The following CNN1 variants were observed in gnomAD, a reference collection of about 807,000 sequenced individuals.
The protein encoded by CNN1 is calponin-1.
Under a neutral mutation model 35.3 loss-of-function variants are expected in CNN1, and 21 were observed. The observed-to-expected ratio is 0.60, with a 90% CI of 0.42 to 0.86. CNN1 has a LOEUF of 0.86. CNN1 is among the 40% of genes least tolerant of loss of function. The probability of loss-of-function intolerance (pLI) is 0.00; values close to 1 mark genes in which losing one functional copy is unlikely to be tolerated. For missense variants in CNN1, 314 were observed against 400.8 expected (o/e 0.78, Z 1.85); for synonymous variants, 164 against 161.8 (o/e 1.01, Z -0.10).
intron 4 of CNN1, among the ~76,000 whole-genome samples, chr19:11,547,346 G>T (rs1319011611): frequency 6.6e-6 from 1 of 151,070 alleles, no homozygotes; most frequent in South Asian, 2.1e-4. Flanking sequence ...GCAGTGAGCC[G>T]AGATCGTGCC....
At chr19:11,540,981 G>A in intron 1 of CNN1, 95 bp from the exon 2 acceptor site, 1 of 1,348,774 alleles carries the variant, frequency 7.4e-7, no homozygotes, top group Non-Finnish European at 9.9e-7. Flanking sequence ...GGGAGATCAG[G>A]CTCTAGGAAG....
intron 4 of CNN1, among the ~76,000 whole-genome samples, chr19:11,547,223 C>T (rs1223915715): frequency 2.0e-5 from 3 of 151,732 alleles, no homozygotes; most frequent in Non-Finnish European, 4.4e-5. Flanking sequence ...ATGGTGAAAT[C>T]CCGTCTCTAC....
intron 2 of CNN1, among the ~76,000 whole-genome samples, chr19:11,543,465 T>C (rs1972509164): frequency 7.4e-6 from 1 of 135,584 alleles, no homozygotes; most frequent in African/African-American, 3.5e-5. Context: ...ACTTAAAGTA[T>C]AATAATAATA....
rs150495599 is a variant in CNN1 at position 11,543,530 on chromosome 19, C to T, written c.185+2333C>T. 2.5e-3 allele frequency among the ~76,000 whole-genome samples: 377 copies of T among 151,526 alleles called. 1 individual carries two copies. Among genetic ancestry groups the T allele is most frequent in the African/African-American group, 8.7e-3 (361 of 41,358 alleles). On this transcript the variant is annotated intron_variant, in intron 2 of 6. Transcript: ENST00000252456. The stretch of plus-strand genomic sequence containing the variant: ...GCGCGGTGACTCACGTCTGTAATCC[C>T]AGCACTTTGGGAGGCTGAGGCAGGC...
chr19:11,541,259 C>G (rs1224739818), intron 2 of CNN1, 62 bp downstream of exon 2: 3 of 1,477,432 alleles, frequency 2.0e-6, no homozygotes, highest in Non-Finnish European at 2.7e-6. Context: ...AGCCCCTCAA[C>G]CCCCAAAACA....
intron 1 of CNN1, chr19:11,539,567 C>A: frequency 9.8e-7 from 1 of 1,021,614 alleles, no homozygotes; most frequent in South Asian, 1.7e-5. Flanking sequence ...CCAGGTAAAG[C>A]AGGTACAGCG....
At chr19:11,544,165 A>G (rs1972528487) in intron 2 of CNN1, among the ~76,000 whole-genome samples, 2 of 151,936 alleles carry the variant, frequency 1.3e-5, no homozygotes, top group African/African-American at 4.8e-5. Context: ...GGAAAACTCA[A>G]GCGGAAGGGA....
chr19:11,540,097 G>C (rs1972426731), intron 1 of CNN1: 8 of 1,014,012 alleles, frequency 7.9e-6, no homozygotes, highest in Non-Finnish European at 9.5e-6. Flanking sequence ...TAGGGGCTGG[G>C]AGCCTGGCTG....
In CNN1 at chr19:11,548,506, G is replaced by T. The variant is rs148989862; in HGVS notation, c.501+599G>T. ...CAAGGTTACAATGATTGCATCACTG[G>T]ACTCCAGCCTGGGCGACAGAGTGAG... is the stretch of plus-strand genomic sequence containing the variant. On this transcript the variant is annotated intron_variant, in intron 5 of 6. Transcript: ENST00000252456. 5.6e-4 allele frequency among the ~76,000 whole-genome samples: 86 copies of T among 152,230 alleles called. 1 individual carries two copies. Among genetic ancestry groups the T allele is most frequent in the African/African-American group, 2.0e-3 (85 of 41,540 alleles).
chr19:11,539,122 T>G (rs536998930), intron 1 of CNN1, 132 bp downstream of exon 1: 1 of 1,075,286 alleles, frequency 9.3e-7, no homozygotes, highest in African/African-American at 1.6e-5. Flanking sequence ...GGGAGTGATA[T>G]GGGATAGGGG....
At chr19:11,543,463 T>TATAATAATAATAATAATA (rs372575864) in intron 2 of CNN1, among the ~76,000 whole-genome samples, 2,834 of 147,602 alleles carry the variant, frequency 0.019, 40 homozygotes, top group Middle Eastern at 0.046. Context: ...GAACTTAAAG[T>TATAATAATAATAATAATA]ATAATAATAA....
chr19:11,542,851 G>C (rs1047430242), intron 2 of CNN1, among the ~76,000 whole-genome samples: 2 of 152,156 alleles, frequency 1.3e-5, no homozygotes, highest in Non-Finnish European at 2.9e-5. Flanking sequence ...TGGGATTATA[G>C]GCGTGAGCCA....
Position 11,549,647 on chromosome 19 carries a change from GCAA to G in CNN1, c.750_752del (p.Asn250del). The G allele has an allele frequency of 6.2e-7, 1 of 1,613,616 alleles. No individual in the cohort carries two copies. The highest frequency in any genetic ancestry group is 8.5e-7 in the Non-Finnish European group (1 of 1,179,744). ...CTCAATGTCAGCCTGCAGATGGGCA[GCAA>G]CAAGGGCGCCTCGCAGCGGGGCATG... On this transcript the variant is annotated inframe_deletion, in exon 7 of 7. Transcript: ENST00000252456. The surrounding 1 kb of genome is among the most constrained non-coding windows in gnomAD (Gnocchi z 5.2).
intron 2 of CNN1, among the ~76,000 whole-genome samples, chr19:11,544,063 C>T (rs957189601): frequency 2.0e-5 from 3 of 151,974 alleles, no homozygotes; most frequent in African/African-American, 2.4e-5. Context: ...AGAACAGACT[C>T]GACTCAGAGC....
chr19:11,548,549 G>T (rs1173953980), intron 5 of CNN1, among the ~76,000 whole-genome samples: 1 of 148,700 alleles, frequency 6.7e-6, no homozygotes, highest in Non-Finnish European at 1.5e-5. Flanking sequence ...CTCTAAAAAT[G>T]AAAATGGGCT....
intron 4 of CNN1, among the ~76,000 whole-genome samples, chr19:11,547,540 C>T (rs1195850168): frequency 6.6e-6 from 1 of 152,146 alleles, no homozygotes; most frequent in Non-Finnish European, 1.5e-5. Flanking sequence ...GAAACCCTGT[C>T]TCTACTAAAA....
rs762618363 is a variant in CNN1 at position 11,546,083 on chromosome 19, C to G, written c.186-592C>G. ...TACAAGAGAAAAGGATGCTGAGACACGCCTGCCAGTGAGGCTTCGGAGATC... is the reference window on the plus strand; with the variant it reads ...TACAAGAGAAAAGGATGCTGAGACAGGCCTGCCAGTGAGGCTTCGGAGATC... On this transcript the variant is annotated intron_variant, in intron 2 of 6. Transcript: ENST00000252456. 6.6e-5 allele frequency among the ~76,000 whole-genome samples: 10 copies of G among 152,280 alleles called. No individual in the cohort carries two copies. The East Asian group carries it at 1.9e-3, about 29-fold the overall frequency.
chr19:11,539,576 C>A, intron 1 of CNN1: 1 of 978,506 alleles, frequency 1.0e-6, no homozygotes, highest in Non-Finnish European at 1.3e-6. Context: ...GCAGGTACAG[C>A]GCTCGGACCC....
At chr19:11,540,049 C>G (rs1048220973) in intron 1 of CNN1, 3 of 1,042,814 alleles carry the variant, frequency 2.9e-6, no homozygotes, top group African/African-American at 3.5e-5. Flanking sequence ...CCCACCTCCC[C>G]CCACTCACCC....
Sources: gnomAD v4.1 joint callset for allele counts (sites outside exome capture counted in the v4.1 genomes callset) on GRCh38, gnomAD v4.1.1 for gene constraint, Gnocchi (gnomAD v3.1) non-coding constraint, MANE v1.5 for transcripts, NCBI Gene and HGNC (gene_info 2026-07-23, HGNC 2026-07-21) for gene names.